The following RSF1 variants were observed in gnomAD, a reference collection of about 807,000 sequenced individuals.
RSF1 encodes the protein remodeling and spacing factor 1.
RSF1 carries 13 observed loss-of-function variants against 145.2 expected under a neutral mutation model. The observed-to-expected ratio is 0.09, with a 90% CI of 0.06 to 0.14. The LOEUF (loss-of-function observed/expected upper bound fraction) is 0.14, where lower values mean the gene tolerates loss of function less well. RSF1 is among the 10% of genes least tolerant of loss of function. The pLI is 1.00. For synonymous variants in RSF1, 577 were observed against 592.6 expected, an observed-to-expected ratio of 0.97 and a Z score of 0.38; for missense variants, 1,517 against 1,718.2, an observed-to-expected ratio of 0.88 and a Z score of 2.07.
the RSF1 span, among the ~76,000 whole-genome samples, chr11:77,853,830 A>G: frequency 6.6e-6 from 1 of 151,848 alleles, no homozygotes; most frequent in Non-Finnish European, 1.5e-5. Flanking sequence ...AATCCCAGCT[A>G]CTTGGTAGGC....
rs1429913299 is a variant in RSF1, at chr11:77,662,721, AG to A, written c.*4195del. ...GGTTTACAGGCACACACTTTGGGAA[AG>A]GTAGATGATATAGGAATGGATTTTA... On this transcript the variant is annotated 3_prime_UTR_variant, in exon 16 of 16. Transcript: ENST00000308488. 3 of 152,170 alleles carry A rather than the reference AG, an allele frequency of 2.0e-5. No homozygotes were observed. The East Asian group carries it at 5.8e-4, about 29-fold the overall frequency. The allele number at this position is 152,170 out of a possible 1,614,324, so 9.4% of individuals were successfully genotyped here. A position where few individuals can be genotyped will look rare whatever the true frequency, so the allele number is the denominator to read the frequency against.
chr11:77,811,985 G>A (rs1948735653), intron 1 of RSF1, among the ~76,000 whole-genome samples: 1 of 152,106 alleles, frequency 6.6e-6, no homozygotes, highest in Admixed American at 6.5e-5. Context: ...ACCAGCCTGG[G>A]CAACATAATG....
At chr11:77,798,316 G>A (rs1033155532) in intron 1 of RSF1, among the ~76,000 whole-genome samples, 11 of 152,018 alleles carry the variant, frequency 7.2e-5, no homozygotes, top group African/African-American at 2.7e-4. Context: ...CGGAAGCAGT[G>A]GCTCATGCCT....
chr11:77,776,057 A>G (rs1565176873), intron 1 of RSF1, among the ~76,000 whole-genome samples: 1 of 152,076 alleles, frequency 6.6e-6, no homozygotes, highest in Non-Finnish European at 1.5e-5. Context: ...TTAACACTCA[A>G]AAAAGACGCT....
chr11:77,693,321 C>G (rs1273135891), intron 8 of RSF1, among the ~76,000 whole-genome samples, 186 bp downstream of exon 8: 1 of 151,994 alleles, frequency 6.6e-6, no homozygotes, highest in Non-Finnish European at 1.5e-5. Flanking sequence ...CTTTTGATAA[C>G]TGCTTTGGGA....
intron 9 of RSF1, among the ~76,000 whole-genome samples, chr11:77,688,812 TATGTCCTAGTCA>T (rs1960075907): frequency 1.3e-5 from 2 of 152,190 alleles, no homozygotes; most frequent in African/African-American, 4.8e-5. Context: ...AAAGTACTTT[TATGTCCTAGTCA>T]ATTTGAGAGA....
chr11:77,778,175 GT>G (rs1425293068), intron 1 of RSF1, among the ~76,000 whole-genome samples: 2 of 51,086 alleles, frequency 3.9e-5, no homozygotes, highest in African/African-American at 9.3e-5. Flanking sequence ...TGGAGGGGGA[GT>G]GGAGGGGAGG....
chr11:77,805,954 A>C (rs1433727433), intron 1 of RSF1, among the ~76,000 whole-genome samples: 1 of 152,218 alleles, frequency 6.6e-6, no homozygotes, highest in Non-Finnish European at 1.5e-5. Context: ...AACACTTTGC[A>C]TCAATCCATT....
intron 1 of RSF1, among the ~76,000 whole-genome samples, chr11:77,814,654 C>G (rs1328813854): frequency 6.6e-6 from 1 of 152,152 alleles, no homozygotes; most frequent in Non-Finnish European, 1.5e-5. Context: ...CCATGTTCGC[C>G]AGGCTGGTCT....
In RSF1 at chr11:77,820,664, C is replaced by T. The variant is rs1464298104; in HGVS notation, c.51G>A (p.Pro17=). The T allele has an allele frequency of 1.3e-6, 2 of 1,556,874 alleles. No individual in the cohort carries two copies. Among genetic ancestry groups the T allele is most frequent in the Non-Finnish European group, 8.7e-7 (1 of 1,151,808 alleles). ...CTACGGCGAAGTTGGGGCACGAACC[C>T]GGGCAGCCCGGAGGAGCCATCACCG... ...AAAVMAPPGC[P]GSCPNFAVVC... The change falls in exon 1 of 16, where the codon CCG becomes CCA. Residue 17 remains proline, a synonymous_variant. Coordinates refer to ENST00000308488, the MANE Select transcript of RSF1 (RefSeq NM_016578.4).
chr11:77,721,913 C>T (rs1159941532), intron 5 of RSF1, among the ~76,000 whole-genome samples: 1 of 152,194 alleles, frequency 6.6e-6, no homozygotes, highest in Non-Finnish European at 1.5e-5. Flanking sequence ...TTGCTCACAT[C>T]TGTAATCCCA....
intron 1 of RSF1, among the ~76,000 whole-genome samples, chr11:77,790,194 T>C (rs1948502784): frequency 6.6e-6 from 1 of 152,202 alleles, no homozygotes; most frequent in Non-Finnish European, 1.5e-5. Flanking sequence ...TCCACATGGC[T>C]AGGGAGGCTT....
intron 5 of RSF1, among the ~76,000 whole-genome samples, chr11:77,725,137 A>C (rs920479201): frequency 6.6e-6 from 1 of 152,200 alleles, no homozygotes; most frequent in Admixed American, 6.5e-5. Context: ...AAAGATCAAA[A>C]AAGTTCTGGA....
intron 4 of RSF1, among the ~76,000 whole-genome samples, chr11:77,726,165 G>T (rs1454730018): frequency 1.3e-5 from 2 of 152,144 alleles, no homozygotes; most frequent in Non-Finnish European, 2.9e-5. Flanking sequence ...AGAACTTTCT[G>T]ATTACAGCAA....
chr11:77,758,651 G>A (rs908916729), intron 2 of RSF1, among the ~76,000 whole-genome samples: 1 of 152,112 alleles, frequency 6.6e-6, no homozygotes, highest in Non-Finnish European at 1.5e-5. Flanking sequence ...TAGGTATAAA[G>A]TGGTATTTTA....
chr11:77,733,484 A>C (rs920590891), intron 4 of RSF1, among the ~76,000 whole-genome samples: 1 of 151,896 alleles, frequency 6.6e-6, no homozygotes, highest in South Asian at 2.1e-4. Flanking sequence ...AATCTGGTCT[A>C]TGGTCTTTAT....
chr11:77,741,633 T>A (rs1023257268), intron 3 of RSF1, among the ~76,000 whole-genome samples: 2 of 152,190 alleles, frequency 1.3e-5, no homozygotes, highest in Non-Finnish European at 2.9e-5. Context: ...TATTCTGATA[T>A]ATGTGTATAG....
the RSF1 span, among the ~76,000 whole-genome samples, chr11:77,849,799 C>T: frequency 6.6e-6 from 1 of 152,112 alleles, no homozygotes; most frequent in South Asian, 2.1e-4. Context: ...AAACTATTTC[C>T]TTCTGTATCT....
intron 1 of RSF1, among the ~76,000 whole-genome samples, chr11:77,780,180 A>G (rs1948388624): frequency 6.6e-6 from 1 of 152,230 alleles, no homozygotes; most frequent in Non-Finnish European, 1.5e-5. Context: ...CATTCCATAA[A>G]GACTTGTTCA....
Sources: gnomAD v4.1 joint callset for allele counts (sites outside exome capture counted in the v4.1 genomes callset) on GRCh38, gnomAD v4.1.1 for gene constraint, MANE v1.5 for transcripts, NCBI Gene and HGNC (gene_info 2026-07-23, HGNC 2026-07-21) for gene names.